Variants in PTK2 observed in about 807,000 individuals in gnomAD.
PTK2 encodes the protein protein tyrosine kinase 2.
PTK2 carries 45 observed loss-of-function variants against 150.1 expected under a neutral mutation model. The ratio of observed to expected loss-of-function variants is 0.30; its 90% CI spans 0.24 to 0.38. PTK2 has a LOEUF of 0.38. PTK2 is among the 10% of genes least tolerant of loss of function. The pLI, the probability that PTK2 is intolerant of heterozygous loss-of-function variation, is 1.00. For missense variants in PTK2, 919 were observed against 1,307.3 expected (o/e 0.70, Z 4.58); for synonymous variants, 432 against 449.2 (o/e 0.96, Z 0.48).
chr8:140,896,706 C>T (rs1386461102), intron 2 of PTK2, among the ~76,000 whole-genome samples: 1 of 150,374 alleles, frequency 6.7e-6, no homozygotes, highest in Non-Finnish European at 1.5e-5. Flanking sequence ...GACATGGATG[C>T]CCACCATTAC....
At chr8:140,682,508 CAA>C (rs2100017639) in intron 27 of PTK2, among the ~76,000 whole-genome samples, 1 of 149,386 alleles carries the variant, frequency 6.7e-6, no homozygotes, top group South Asian at 2.2e-4. Context: ...CTTTAGGTCA[CAA>C]AGAGTTTGGC....
chr8:140,846,243 G>GT lies in PTK2; in HGVS notation c.593+16dup. ...TTCTGCATATTTGCAGGTATAGATT[G>GT]TAAGTACAATACTTACTCTAATACT... On this transcript the variant is annotated intron_variant, in intron 7 of 31. Coordinates refer to ENST00000522684, the Ensembl canonical transcript of PTK2. 2 of 1,578,106 alleles carry GT rather than the reference G, an allele frequency of 1.3e-6. No homozygotes were observed. Among genetic ancestry groups the GT allele is most frequent in the Non-Finnish European group, 1.7e-6 (2 of 1,154,278 alleles).
At chr8:140,959,357 C>G (rs1245012973) in intron 1 of PTK2, among the ~76,000 whole-genome samples, 2 of 149,840 alleles carry the variant, frequency 1.3e-5, no homozygotes, top group African/African-American at 2.5e-5. Context: ...AGTGAAACCC[C>G]GTCTCTACTA....
chr8:141,000,919 C>T (rs919349301), intron 1 of PTK2: 2 of 151,680 alleles, frequency 1.3e-5, no homozygotes, highest in African/African-American at 4.8e-5. Context: ...CCCCCAACCT[C>T]CTCACGGCCA....
At chr8:140,921,648 C>T (rs118117313) in intron 2 of PTK2, among the ~76,000 whole-genome samples, 34 of 152,176 alleles carry the variant, frequency 2.2e-4, no homozygotes, top group Non-Finnish European at 4.1e-4. Context: ...AAAACTCTCT[C>T]GAAAACATAA....
intron 10 of PTK2, among the ~76,000 whole-genome samples, chr8:140,812,032 G>A (rs925724620): frequency 2.0e-5 from 3 of 152,162 alleles, no homozygotes; most frequent in Admixed American, 6.5e-5. Context: ...CCTAGCTAGA[G>A]AAGTCAACAT....
At chr8:140,999,052 A>T (rs1210522435) in intron 1 of PTK2, among the ~76,000 whole-genome samples, 2 of 152,204 alleles carry the variant, frequency 1.3e-5, no homozygotes. Context: ...TCCTAATCTA[A>T]CATTATTCAC....
chr8:140,679,060 T>A (rs920754454), intron 27 of PTK2, among the ~76,000 whole-genome samples: 1 of 118,152 alleles, frequency 8.5e-6, no homozygotes, highest in East Asian at 2.7e-4. Context: ...ACTCTTGCTC[T>A]GTCGCCCAGG....
intron 27 of PTK2, among the ~76,000 whole-genome samples, chr8:140,683,867 G>A (rs1022662607): frequency 1.3e-5 from 2 of 150,516 alleles, no homozygotes; most frequent in African/African-American, 2.4e-5. Context: ...AAAATAATAA[G>A]AGCCATCTAT....
In PTK2 at chr8:140,855,526, C is replaced by T. The variant is rs541100329; in HGVS notation, c.450+8786G>A. 5.3e-5 allele frequency among the ~76,000 whole-genome samples: 8 copies of T among 152,012 alleles called. No homozygotes were observed. In the South Asian group the frequency reaches 1.2e-3, roughly 24 times the overall value. Reference sequence around the variant, plus strand: ...AGGAGAATCGCCTGAACCCAGGAGGCGGAGGTTGCAGTGAGCCAAGATCAC... The same window carrying T: ...AGGAGAATCGCCTGAACCCAGGAGGTGGAGGTTGCAGTGAGCCAAGATCAC... On this transcript the variant is annotated intron_variant, in intron 5 of 31. Coordinates refer to ENST00000522684, the Ensembl canonical transcript of PTK2.
At chr8:140,982,926 G>A (rs1324851695) in intron 1 of PTK2, among the ~76,000 whole-genome samples, 1 of 152,028 alleles carries the variant, frequency 6.6e-6, no homozygotes. Flanking sequence ...CTTCTACAAG[G>A]TTTTCACATT....
exon 32 of PTK2, chr8:140,658,164 T>A (rs1262429195): frequency 6.5e-6 from 1 of 152,906 alleles, no homozygotes; most frequent in East Asian, 1.9e-4. Context: ...GCTACTTCCA[T>A]CCTGAGCTCT....
intron 29 of PTK2, 145 bp from the exon 34 acceptor site, chr8:140,668,569 G>T: frequency 2.3e-6 from 2 of 877,518 alleles, no homozygotes; most frequent in Non-Finnish European, 3.4e-6. Context: ...ATATAGTTCA[G>T]ATTGAGAATG....
intron 22 of PTK2, 187 bp downstream of exon 25, chr8:140,735,064 T>C: frequency 1.6e-6 from 1 of 614,976 alleles, no homozygotes; most frequent in South Asian, 2.1e-5. Flanking sequence ...TTTAAAGATA[T>C]AATTTACTTA....
At chr8:140,933,052 T>C (rs1474549641) in intron 1 of PTK2, among the ~76,000 whole-genome samples, 3 of 152,084 alleles carry the variant, frequency 2.0e-5, no homozygotes, top group Non-Finnish European at 2.9e-5. Flanking sequence ...GGTTTCACCA[T>C]GTTGGCCAGG....
At chr8:140,672,148 G>A in intron 29 of PTK2, 1 of 453,992 alleles carries the variant, frequency 2.2e-6, no homozygotes, top group South Asian at 1.6e-5. Context: ...TTGAAAGTCT[G>A]TTCTTTTGGC....
intron 1 of PTK2, among the ~76,000 whole-genome samples, chr8:140,970,084 G>C (rs1033595025): frequency 7.2e-5 from 11 of 152,212 alleles, no homozygotes; most frequent in African/African-American, 2.4e-4. Flanking sequence ...AGCAGCTTCG[G>C]AGAAACTCCA....
At chr8:140,725,793 C>T (rs1291790764) in intron 22 of PTK2, among the ~76,000 whole-genome samples, 1 of 151,554 alleles carries the variant, frequency 6.6e-6, no homozygotes, top group East Asian at 1.9e-4. Flanking sequence ...GGCTCTGCTA[C>T]CTACCCATCA....
At chr8:140,778,366 G>T (rs1176749195) in intron 14 of PTK2, among the ~76,000 whole-genome samples, 2 of 152,198 alleles carry the variant, frequency 1.3e-5, no homozygotes, top group African/African-American at 4.8e-5. Context: ...CACAAGAACT[G>T]CTTGAACCCG....
Sources: gnomAD v4.1 joint callset for allele counts (sites outside exome capture counted in the v4.1 genomes callset) on GRCh38, gnomAD v4.1.1 for gene constraint, MANE v1.5 for transcripts, NCBI Gene and HGNC (gene_info 2026-07-23, HGNC 2026-07-21) for gene names.